BLM: variants seen among roughly 807,000 people sequenced by gnomAD.
BLM encodes the protein BLM RecQ like helicase.
Under a neutral mutation model 135.3 loss-of-function variants are expected in BLM, and 95 were observed. That is an observed-to-expected ratio of 0.70 (90% CI 0.59 to 0.83). The LOEUF (loss-of-function observed/expected upper bound fraction) is 0.83, where lower values mean the gene tolerates loss of function less well. Ranked by LOEUF, BLM falls within the 40% of genes least tolerant of loss-of-function variation. BLM has a pLI of 0.00. For missense variants in BLM, 1,518 were observed against 1,663.9 expected, an observed-to-expected ratio of 0.91 and a Z score of 1.53; for synonymous variants, 520 against 589.2, an observed-to-expected ratio of 0.88 and a Z score of 1.70.
At chr15:90,758,632 C>G (rs938863606) in intron 5 of BLM, among the ~76,000 whole-genome samples, 1 of 152,192 alleles carries the variant, frequency 6.6e-6, no homozygotes, top group Admixed American at 6.5e-5. Context: ...TCCCTTCTCT[C>G]TCCTCTCTTC....
chr15:90,789,567 C>T (rs777383683), intron 14 of BLM, among the ~76,000 whole-genome samples: 12 of 152,124 alleles, frequency 7.9e-5, no homozygotes, highest in South Asian at 2.1e-4. Context: ...GATCAGAGTG[C>T]CATAAATGTA....
chr15:90,785,777 C>T (rs1318963480), intron 14 of BLM, among the ~76,000 whole-genome samples: 2 of 152,046 alleles, frequency 1.3e-5, no homozygotes, highest in Non-Finnish European at 2.9e-5. Context: ...AAGTGATCCA[C>T]CTGCCTCAGC....
chr15:90,815,251 T>G lies in BLM; in HGVS notation c.4226T>G (p.Phe1409Cys), dbSNP rs761964212. The G allele has an allele frequency of 6.2e-7, 1 of 1,614,146 alleles. No homozygotes were observed. The highest frequency in any genetic ancestry group is 1.1e-5 in the South Asian group (1 of 91,072). The change falls in exon 22 of 22, where the codon TTT becomes TGT. Residue 1409 changes from phenylalanine (F) to cysteine (C), a missense_variant. Phe to Cys is a radical substitution (Grantham distance 205). This residue lies in a region of BLM where 153 missense variants were observed against 173.4 expected (regional missense o/e 0.88). Transcript: ENST00000355112. The surrounding 1 kb of genome is among the most constrained non-coding windows in gnomAD (Gnocchi z 4.6). ...MAPPKPINRP[F>C]LKPSYAFS ...CCACCGAAGCCTATAAATAGACCGTTTCTTAAGCCTTCATATGCATTCTCA... is the reference window on the plus strand; with the variant it reads ...CCACCGAAGCCTATAAATAGACCGTGTCTTAAGCCTTCATATGCATTCTCA...
intron 3 of BLM, among the ~76,000 whole-genome samples, chr15:90,750,642 A>G (rs1400979511): frequency 6.6e-6 from 1 of 152,160 alleles, no homozygotes; most frequent in Non-Finnish European, 1.5e-5. Context: ...ATCTCATCAT[A>G]TAGGCATTTT....
intron 1 of BLM, among the ~76,000 whole-genome samples, chr15:90,736,439 T>A (rs1478833508): frequency 6.6e-6 from 1 of 152,106 alleles, no homozygotes; most frequent in Non-Finnish European, 1.5e-5. Context: ...TAAAAATTTT[T>A]TTTATAGAGA....
At position 90,815,418 on chromosome 15, in the gene BLM, T is replaced by C; in HGVS notation, c.*139T>C. On this transcript the variant is annotated 3_prime_UTR_variant, in exon 22 of 22. Transcript: ENST00000355112. The surrounding 1 kb of genome is among the most constrained non-coding windows in gnomAD (Gnocchi z 4.6). The stretch of plus-strand genomic sequence containing the variant: ...TAATATTTAAATAAATGCTGGGGGG[T>C]GATAGTTCTTCTTTTTAAAATAAAC... 3 of 915,894 alleles carry C rather than the reference T, an allele frequency of 3.3e-6. No homozygotes were observed. The highest frequency in any genetic ancestry group is 3.1e-5 in the South Asian group (2 of 64,310). 56.7% of individuals were successfully genotyped at this position (915,894 alleles called of 1,614,324 possible).
intron 12 of BLM, among the ~76,000 whole-genome samples, chr15:90,780,338 C>T (rs535324613): frequency 6.6e-6 from 1 of 152,332 alleles, no homozygotes; most frequent in South Asian, 2.1e-4. Context: ...CCGCCTTGGC[C>T]TCCCAAAGTG....
chr15:90,760,939 A>G lies in BLM; in HGVS notation c.1566A>G (p.Gly522=), dbSNP rs1895965477. ...AAAATGAAAGCTCTTATTTCCCAGG[A>G]AATGTTCTCACAAGCACTGCTGTGA... ...GKKNESSYFP[G]NVLTSTAVKD... The change falls in exon 7 of 22, where the codon GGA becomes GGG. Residue 522 remains glycine, a synonymous_variant. Coordinates refer to ENST00000355112, the MANE Select transcript of BLM (RefSeq NM_000057.4). The G allele has an allele frequency of 1.9e-6, 3 of 1,613,976 alleles. No individual in the cohort carries two copies. The Admixed American group carries it at 5.0e-5, about 27-fold the overall frequency.
intron 1 of BLM, among the ~76,000 whole-genome samples, chr15:90,721,411 C>G (rs762525654): frequency 6.6e-6 from 1 of 152,040 alleles, no homozygotes; most frequent in Admixed American, 6.6e-5. Context: ...ACTGTAACCT[C>G]CGTCTCCCGA....
chr15:90,754,108 T>G (rs1257311061), intron 4 of BLM, among the ~76,000 whole-genome samples: 2 of 152,216 alleles, frequency 1.3e-5, no homozygotes, highest in African/African-American at 4.8e-5. Flanking sequence ...GTCATTCAGT[T>G]TGCTTAAATC....
intron 4 of BLM, among the ~76,000 whole-genome samples, chr15:90,754,228 G>A (rs1895757245): frequency 6.6e-6 from 1 of 152,110 alleles, no homozygotes; most frequent in Admixed American, 6.6e-5. Context: ...TTTGTTATTT[G>A]TAAAGTATTT....
chr15:90,815,122 A>G lies in BLM; in HGVS notation c.4097A>G (p.Lys1366Arg). The G allele has an allele frequency of 6.2e-7, 1 of 1,614,158 alleles. No individual in the cohort carries two copies. Among genetic ancestry groups the G allele is most frequent in the Non-Finnish European group, 8.5e-7 (1 of 1,180,032 alleles). ...TTCAGGGGGTCTGCCACATGTAGAAAGATATCTTCCAAAACGAAATCCTCC... is the reference window on the plus strand; with the variant it reads ...TTCAGGGGGTCTGCCACATGTAGAAGGATATCTTCCAAAACGAAATCCTCC... Reference protein sequence around the residue: ...KAKGGSATCRKISSKTKSSSI... With the variant: ...KAKGGSATCRRISSKTKSSSI... The change falls in exon 22 of 22, where the codon AAG becomes AGG. Residue 1366 changes from lysine to arginine, a missense_variant. Physicochemically the swap from Lys to Arg is conservative, Grantham distance 26. This residue lies in a region of BLM where 153 missense variants were observed against 173.4 expected (regional missense o/e 0.88). Coordinates refer to ENST00000355112, the MANE Select transcript of BLM (RefSeq NM_000057.4). The surrounding 1 kb of genome is among the most constrained non-coding windows in gnomAD (Gnocchi z 4.6).
chr15:90,767,242 T>C (rs1386309491), intron 10 of BLM, among the ~76,000 whole-genome samples: 1 of 152,236 alleles, frequency 6.6e-6, no homozygotes, highest in Non-Finnish European at 1.5e-5. Context: ...CATGGTATCC[T>C]TTTAAGCCCT....
intron 16 of BLM, among the ~76,000 whole-genome samples, chr15:90,795,875 C>CT (rs1312395551): frequency 6.6e-6 from 1 of 152,126 alleles, no homozygotes; most frequent in African/African-American, 2.4e-5. Flanking sequence ...CGGGGTGGTC[C>CT]TTGGAAGTCT....
intron 1 of BLM, 56 bp from the exon 2 acceptor site, chr15:90,747,333 T>C (rs1895529970): frequency 3.7e-6 from 5 of 1,359,388 alleles, no homozygotes; most frequent in East Asian, 2.5e-5. Flanking sequence ...TCAAAAAACA[T>C]TGTGATTAAT....
intron 14 of BLM, among the ~76,000 whole-genome samples, chr15:90,787,081 A>G (rs535101032): frequency 3.4e-4 from 34 of 100,348 alleles, no homozygotes; most frequent in African/African-American, 1.3e-3. Flanking sequence ...CGGGAGTCTC[A>G]CTCTGTCGCC....
At chr15:90,807,227 A>G (rs1050451724) in intron 19 of BLM, among the ~76,000 whole-genome samples, 1 of 152,242 alleles carries the variant, frequency 6.6e-6, no homozygotes, top group Non-Finnish European at 1.5e-5. Context: ...TGATACCAGA[A>G]GGTGTCAACA....
In BLM at chr15:90,784,984, A is replaced by G. The variant is rs770627241; in HGVS notation, c.2726A>G (p.Gln909Arg). Residue 909 changes from glutamine to arginine, a missense_variant, in exon 14 of 22, where the codon CAG (glutamine) becomes CGG (arginine). By Grantham distance (43) the Gln-to-Arg change is conservative. Around this residue, in one of 5 missense-constraint regions of BLM, gnomAD observed 626 missense variants for 681.1 expected, o/e 0.92. Transcript: ENST00000355112. ...RECDTMADTL[Q>R]RDGLAALAYH... ...TGTGACACCATGGCTGACACGTTAC[A>G]GAGAGATGGGCTCGCTGCTCTTGCT... 3.1e-6 allele frequency: 5 copies of G among 1,614,196 alleles called. No individual in the cohort carries two copies. The highest frequency in any genetic ancestry group is 1.3e-5 in the African/African-American group (1 of 75,052).
rs115535358 is a variant in BLM at position 90,718,680 on chromosome 15, A to G, written c.-5+1240A>G. 5.4e-3 allele frequency among the ~76,000 whole-genome samples: 828 copies of G among 152,318 alleles called. 9 individuals are homozygous for G. The highest frequency in any genetic ancestry group is 0.018 in the African/African-American group (752 of 41,562). ...AATTTCTGGGTCCTGTGTCACTTTCAATGCCACTCACCATGACAGGTACCT... is the reference window on the plus strand; with the variant it reads ...AATTTCTGGGTCCTGTGTCACTTTCGATGCCACTCACCATGACAGGTACCT... On this transcript the variant is annotated intron_variant, in intron 1 of 21. Transcript: ENST00000355112.
Sources: allele counts gnomAD v4.1 joint callset (sites outside exome capture counted in the v4.1 genomes callset), GRCh38; gene constraint gnomAD v4.1.1; regional missense constraint gnomAD v4.1.1; non-coding constraint Gnocchi (gnomAD v3.1); transcripts MANE v1.5; gene names NCBI Gene and HGNC (gene_info 2026-07-23, HGNC 2026-07-21).